The following WEE2 variants were observed in gnomAD, a reference collection of about 807,000 sequenced individuals.
The protein encoded by WEE2 is wee1-like protein kinase 2.
A neutral mutation model predicts 60.1 loss-of-function variants in WEE2; 50 were observed. The ratio of observed to expected loss-of-function variants is 0.83; its 90% CI spans 0.66 to 1.05. WEE2 has a LOEUF of 1.05. Among genes scored for constraint, WEE2 ranks in the 50% least tolerant of loss-of-function variants. WEE2 has a pLI of 0.00. For synonymous variants in WEE2, 240 were observed against 241.0 expected (o/e 1.00, Z 0.04); for missense variants, 631 against 684.3 (o/e 0.92, Z 0.87).
rs369701176 is a variant in WEE2 at position 141,708,938 on chromosome 7, T to C, written c.180T>C (p.Leu60=). 3.1e-6 allele frequency: 5 copies of C among 1,613,978 alleles called. No homozygotes were observed. Among genetic ancestry groups the C allele is most frequent in the Non-Finnish European group, 3.4e-6 (4 of 1,180,014 alleles). Residue 60 remains leucine (L), a synonymous_variant, in exon 1 of 12, where the codon CTT becomes CTC. Coordinates refer to ENST00000397541, the MANE Select transcript of WEE2 (RefSeq NM_001105558.1). ...EAKGTPPWTP[L]SNVHELDTSS... ...AGGGTACACCACCTTGGACTCCCCT[T>C]AGCAACGTGCATGAGCTCGACACAT...
chr7:141,709,129 G>A lies in WEE2; in HGVS notation c.342+29G>A, dbSNP rs375267986. On this transcript the variant is annotated intron_variant, in intron 1 of 11. Transcript: ENST00000397541. The stretch of plus-strand genomic sequence containing the variant: ...AGTAAGGGGTGGGGGAAAAAGGGAC[G>A]CAGGTCGCCAAGCTCTGCTTTCCTG... 1.3e-5 allele frequency: 20 copies of A among 1,587,698 alleles called. No individual in the cohort carries two copies. In the African/African-American group the frequency reaches 1.3e-4, roughly 11 times the overall value.
chr7:141,720,922 T>C lies in WEE2; in HGVS notation c.759-13T>C, dbSNP rs1798897078. ...TTGATGTTTTTATTCCTCAATGCTT[T>C]TCTGTCTCATAGGAATTCGGCTTTG... On this transcript the variant is annotated splice_polypyrimidine_tract_variant and intron_variant, in intron 4 of 11. Transcript: ENST00000397541. The C allele has an allele frequency of 6.2e-7, 1 of 1,608,152 alleles. No homozygotes were observed. Among genetic ancestry groups the C allele is most frequent in the Admixed American group, 1.7e-5 (1 of 59,806 alleles).
intron 10 of WEE2, among the ~76,000 whole-genome samples, chr7:141,728,659 A>G (rs536773516): frequency 2.9e-4 from 44 of 152,264 alleles, no homozygotes; most frequent in African/African-American, 1.0e-3. Context: ...AGCATCTTGA[A>G]ATTGTCTAGA....
chr7:141,721,334 G>T (rs1262948727), intron 5 of WEE2, among the ~76,000 whole-genome samples: 1 of 152,162 alleles, frequency 6.6e-6, no homozygotes, highest in Non-Finnish European at 1.5e-5. Flanking sequence ...AGATGAGTTA[G>T]ATGTGCTCCC....
At chr7:141,715,960 C>T (rs992154068) in intron 2 of WEE2, among the ~76,000 whole-genome samples, 23 of 152,194 alleles carry the variant, frequency 1.5e-4, no homozygotes, top group African/African-American at 5.3e-4. Context: ...AGTTCCTACT[C>T]GTTCCCAGAA....
At chr7:141,712,533 T>C (rs1290198604) in intron 1 of WEE2, among the ~76,000 whole-genome samples, 2 of 152,192 alleles carry the variant, frequency 1.3e-5, no homozygotes, top group African/African-American at 2.4e-5. Flanking sequence ...ACTATGTTAT[T>C]TGAGATTTTG....
intron 3 of WEE2, 59 bp downstream of exon 3, chr7:141,716,326 C>T (rs1798796295): frequency 6.6e-7 from 1 of 1,507,290 alleles, no homozygotes; most frequent in Non-Finnish European, 9.1e-7. Flanking sequence ...TATTCTTTCT[C>T]TTCTTCCCCT....
intron 1 of WEE2, among the ~76,000 whole-genome samples, chr7:141,712,392 T>C (rs763186516): frequency 1.3e-5 from 2 of 152,188 alleles, no homozygotes; most frequent in Non-Finnish European, 2.9e-5. Context: ...TCATCTGTGC[T>C]ACAGCTATTC....
intron 1 of WEE2, among the ~76,000 whole-genome samples, chr7:141,710,524 A>G (rs999742004): frequency 6.6e-6 from 1 of 152,244 alleles, no homozygotes; most frequent in African/African-American, 2.4e-5. Flanking sequence ...ATGAATAAAG[A>G]TTAAACAAAT....
Position 141,708,987 on chromosome 7 carries a change from CCAGAT to C in WEE2, c.235_239del (p.Gln79PhefsTer13). 6.2e-7 allele frequency: 1 copy of C among 1,614,090 alleles called. No individual in the cohort carries two copies. The highest frequency in any genetic ancestry group is 8.5e-7 in the Non-Finnish European group (1 of 1,180,010). ...ATCTTCGGAAAAAGACAAAGAAAGT[CCAGAT>C]CAGATTTTGAGGACTCCAGTGTCAC... On this transcript the variant is annotated frameshift_variant, in exon 1 of 12. Coordinates refer to ENST00000397541, the MANE Select transcript of WEE2 (RefSeq NM_001105558.1). LOFTEE classifies it high-confidence loss of function.
chr7:141,730,180 T>C (rs1298954677), intron 11 of WEE2, 115 bp from the exon 12 acceptor site: 1 of 875,986 alleles, frequency 1.1e-6, no homozygotes, highest in Non-Finnish European at 1.7e-6. Flanking sequence ...TAGTAAGGCT[T>C]TGTCTTCTCA....
rs535510834 is a variant in WEE2, at chr7:141,724,284, T to C, written c.1221+9T>C. The C allele has an allele frequency of 6.2e-7, 1 of 1,602,620 alleles. No homozygotes were observed. Among genetic ancestry groups the C allele is most frequent in the East Asian group, 2.2e-5 (1 of 44,822 alleles). On this transcript the variant is annotated intron_variant, in intron 8 of 11. Transcript: ENST00000397541. ...ATGAGATTTTGCAAGAGGTATAGAT[T>C]AGGGAAATGGAGGGTATTTTATAAT...
chr7:141,724,386 C>A, intron 8 of WEE2, 111 bp downstream of exon 8: 2 of 932,016 alleles, frequency 2.1e-6, no homozygotes, highest in Admixed American at 2.5e-5. Flanking sequence ...TATAGTACCG[C>A]TCTTCCCATT....
intron 6 of WEE2, 47 bp downstream of exon 6, chr7:141,723,327 T>A (rs1267288902): frequency 1.9e-6 from 3 of 1,589,950 alleles, no homozygotes; most frequent in Non-Finnish European, 1.7e-6. Context: ...TTGTTCTTTC[T>A]ATGCTATCAT....
intron 9 of WEE2, among the ~76,000 whole-genome samples, chr7:141,725,695 A>G (rs1046064939): frequency 1.3e-5 from 2 of 151,746 alleles, no homozygotes; most frequent in Admixed American, 1.3e-4. Flanking sequence ...AACTCGGAGG[A>G]TATTGTAAAA....
At chr7:141,721,990 A>G (rs1471669927) in intron 5 of WEE2, among the ~76,000 whole-genome samples, 1 of 152,214 alleles carries the variant, frequency 6.6e-6, no homozygotes, top group African/African-American at 2.4e-5. Context: ...ATGCATTTAA[A>G]TATTATTTCC....
At chr7:141,714,927 T>C (rs73518099) in intron 2 of WEE2, among the ~76,000 whole-genome samples, 1 of 152,306 alleles carries the variant, frequency 6.6e-6, no homozygotes, top group Admixed American at 6.5e-5. Context: ...TAAAGGGCCC[T>C]GAATGACAGA....
intron 1 of WEE2, 34 bp from the exon 2 acceptor site, chr7:141,714,175 C>A: frequency 6.5e-7 from 1 of 1,536,978 alleles, no homozygotes. Context: ...TTTACTAATG[C>A]TATTATGACT....
At chr7:141,717,984 G>A (rs1393245769) in intron 3 of WEE2, among the ~76,000 whole-genome samples, 3 of 152,152 alleles carry the variant, frequency 2.0e-5, no homozygotes, top group African/African-American at 7.2e-5. Context: ...CTCTGATTCT[G>A]TGGTATCATT....
Sources: allele counts gnomAD v4.1 joint callset (sites outside exome capture counted in the v4.1 genomes callset), GRCh38; gene constraint gnomAD v4.1.1; transcripts MANE v1.5; gene names NCBI Gene and HGNC (gene_info 2026-07-23, HGNC 2026-07-21).